The following GRM1 variants were observed in gnomAD, a reference collection of about 807,000 sequenced individuals.
The protein encoded by GRM1 is metabotropic glutamate receptor 1.
GRM1 carries 33 observed loss-of-function variants against 90.9 expected under a neutral mutation model. That is an observed-to-expected ratio of 0.36 (90% CI 0.28 to 0.49). GRM1 has a LOEUF of 0.49. Among genes scored for constraint, GRM1 ranks in the 20% least tolerant of loss-of-function variants. The pLI, the probability that GRM1 is intolerant of heterozygous loss-of-function variation, is 0.99. For synonymous variants in GRM1, 700 were observed against 613.2 expected, an observed-to-expected ratio of 1.14 and a Z score of -2.09; for missense variants, 1,190 against 1,534.3, an observed-to-expected ratio of 0.78 and a Z score of 3.75.
chr6:146,097,767 A>G (rs1222883129), intron 1 of GRM1, among the ~76,000 whole-genome samples: 1 of 152,194 alleles, frequency 6.6e-6, no homozygotes, highest in African/African-American at 2.4e-5. Flanking sequence ...AAATTCATGC[A>G]TCGTTGAGGG....
intron 1 of GRM1, among the ~76,000 whole-genome samples, chr6:146,143,062 C>CG (rs1776948760): frequency 6.6e-6 from 1 of 152,152 alleles, no homozygotes; most frequent in Non-Finnish European, 1.5e-5. Flanking sequence ...CGCTACCTTG[C>CG]TAGCACTACT....
At chr6:146,303,209 C>T (rs1292816056) in intron 2 of GRM1, among the ~76,000 whole-genome samples, 1 of 152,154 alleles carries the variant, frequency 6.6e-6, no homozygotes, top group African/African-American at 2.4e-5. Flanking sequence ...GAGATATGGT[C>T]ACTAATGTTT....
intron 2 of GRM1, among the ~76,000 whole-genome samples, chr6:146,247,353 G>A (rs1396545731): frequency 6.6e-6 from 1 of 152,128 alleles, no homozygotes; most frequent in African/African-American, 2.4e-5. Flanking sequence ...ACAGCTGCAT[G>A]GTACAAGGAG....
intron 2 of GRM1, among the ~76,000 whole-genome samples, chr6:146,269,237 C>T (rs1312713002): frequency 6.6e-6 from 1 of 152,164 alleles, no homozygotes; most frequent in Non-Finnish European, 1.5e-5. Context: ...CCCCAATTTG[C>T]ATTCTTACAG....
intron 2 of GRM1, among the ~76,000 whole-genome samples, chr6:146,208,935 G>A (rs980687895): frequency 6.6e-6 from 1 of 152,098 alleles, no homozygotes; most frequent in Admixed American, 6.5e-5. Flanking sequence ...CTGTAAAAAT[G>A]ATATAAAAAT....
intron 6 of GRM1, 35 bp downstream of exon 6, chr6:146,387,051 A>G (rs1318473504): frequency 1.2e-6 from 2 of 1,606,936 alleles, no homozygotes; most frequent in Non-Finnish European, 1.7e-6. Flanking sequence ...CTTGTGCCTC[A>G]CTATTTGCCT....
intron 5 of GRM1, among the ~76,000 whole-genome samples, chr6:146,363,216 A>G (rs1424819306): frequency 2.0e-5 from 3 of 152,160 alleles, no homozygotes; most frequent in African/African-American, 4.8e-5. Flanking sequence ...AATGTAGCCA[A>G]GTTATGTTCG....
chr6:146,225,673 T>C (rs1264248693), intron 2 of GRM1, among the ~76,000 whole-genome samples: 1 of 152,142 alleles, frequency 6.6e-6, no homozygotes, highest in Non-Finnish European at 1.5e-5. Context: ...TAACACCAAA[T>C]TTAATAATGA....
At chr6:146,162,685 T>C (rs1405125942) in intron 2 of GRM1, among the ~76,000 whole-genome samples, 4 of 152,190 alleles carry the variant, frequency 2.6e-5, no homozygotes, top group Non-Finnish European at 5.9e-5. Flanking sequence ...CAAAGCTCCA[T>C]ATTTGACCAC....
chr6:146,348,023 C>T (rs979009742), intron 3 of GRM1, among the ~76,000 whole-genome samples: 1 of 152,200 alleles, frequency 6.6e-6, no homozygotes, highest in African/African-American at 2.4e-5. Context: ...AGTAAATAAA[C>T]ACAGTCAACT....
intron 6 of GRM1, among the ~76,000 whole-genome samples, chr6:146,398,291 A>G (rs954962615): frequency 1.3e-5 from 2 of 152,132 alleles, no homozygotes; most frequent in African/African-American, 2.4e-5. Context: ...CATTGAAAAC[A>G]CTCTGCTGGC....
chr6:146,035,272 A>G (rs1489766216), intron 1 of GRM1, among the ~76,000 whole-genome samples: 1 of 151,974 alleles, frequency 6.6e-6, no homozygotes, highest in Non-Finnish European at 1.5e-5. Context: ...AGTAATGGAG[A>G]ATCTTGAAGC....
Position 146,304,734 on chromosome 6 carries a change from G to T in GRM1, c.1074G>T (p.Arg358Ser), listed in dbSNP as rs1562595104. Reference sequence around the variant, plus strand: ...TTGATGATTATTTCCTGAAACTGAGGCTGGACACTAACACGAGGAATCCCT... The same window carrying T: ...TTGATGATTATTTCCTGAAACTGAGTCTGGACACTAACACGAGGAATCCCT... ...RSFDDYFLKL[R>S]LDTNTRNPWF... The change falls in exon 3 of 8, where the codon AGG becomes AGT. Residue 358 changes from arginine (R) to serine (S), a missense_variant. Coordinates refer to ENST00000282753, the MANE Select transcript of GRM1 (RefSeq NM_001278064.2). 3 of 1,613,952 alleles carry T rather than the reference G, an allele frequency of 1.9e-6. No homozygotes were observed. The highest frequency in any genetic ancestry group is 1.3e-5 in the African/African-American group (1 of 75,014).
At chr6:146,256,792 G>A (rs1781495277) in intron 2 of GRM1, among the ~76,000 whole-genome samples, 1 of 152,182 alleles carries the variant, frequency 6.6e-6, no homozygotes, top group South Asian at 2.1e-4. Context: ...ATACAATGCT[G>A]CTTGTCATCT....
At chr6:146,131,320 C>A (rs1776389694) in intron 1 of GRM1, among the ~76,000 whole-genome samples, 1 of 151,788 alleles carries the variant, frequency 6.6e-6, no homozygotes, top group African/African-American at 2.4e-5. Flanking sequence ...TGAATGACAA[C>A]CTAGAATTTT....
At chr6:146,366,633 C>T (rs933000355) in intron 5 of GRM1, among the ~76,000 whole-genome samples, 1 of 152,070 alleles carries the variant, frequency 6.6e-6, no homozygotes, top group Middle Eastern at 3.2e-3. Flanking sequence ...ACATGATTTC[C>T]TCCAGGCTCA....
Position 146,434,519 on chromosome 6 carries a change from T to G in GRM1, c.3308T>G (p.Phe1103Cys). The G allele has an allele frequency of 6.2e-7, 1 of 1,613,880 alleles. No homozygotes were observed. Among genetic ancestry groups the G allele is most frequent in the Non-Finnish European group, 8.5e-7 (1 of 1,179,960 alleles). Residue 1103 changes from phenylalanine to cysteine, a missense_variant, in exon 8 of 8, where the codon TTT becomes TGT. Physicochemically the swap from Phe to Cys is radical, Grantham distance 205. This residue lies in a region of GRM1 where 400 missense variants were observed against 360.8 expected (regional missense o/e 1.11). Coordinates refer to ENST00000282753, the MANE Select transcript of GRM1 (RefSeq NM_001278064.2). ...GACGACGACGACGACAGCGAGAGGT[T>G]TAAGCTCCTCCAGGAGTACGTGTAT... is the stretch of plus-strand genomic sequence containing the variant. Reference protein sequence around the residue: ...PADDDDDSERFKLLQEYVYEH... With the variant: ...PADDDDDSERCKLLQEYVYEH...
chr6:146,362,664 CAAAAAAAAAAAAA>C (rs11432508), intron 5 of GRM1, among the ~76,000 whole-genome samples: 4 of 86,198 alleles, frequency 4.6e-5, no homozygotes, highest in African/African-American at 1.5e-4. Context: ...GACTCCATCT[CAAAAAAAAAAAAA>C]AAAAAAAAAG....
At chr6:146,360,241 C>A (rs1317125237) in intron 5 of GRM1, among the ~76,000 whole-genome samples, 2 of 152,044 alleles carry the variant, frequency 1.3e-5, no homozygotes, top group Admixed American at 1.3e-4. Context: ...TTTCTGATAA[C>A]CCACAGAACT....
Sources: gnomAD v4.1 joint callset for allele counts (sites outside exome capture counted in the v4.1 genomes callset) on GRCh38, gnomAD v4.1.1 for gene constraint, gnomAD v4.1.1 regional missense constraint, MANE v1.5 for transcripts, NCBI Gene and HGNC (gene_info 2026-07-23, HGNC 2026-07-21) for gene names.